MARCHF8: variants seen among roughly 807,000 people sequenced by gnomAD.
MARCHF8 encodes the protein membrane associated ring-CH-type finger 8, also known as E3 ubiquitin-protein ligase MARCHF8.
A neutral mutation model predicts 51.6 loss-of-function variants in MARCHF8; 40 were observed. That is an observed-to-expected ratio of 0.77 (90% confidence interval 0.60 to 1.01). MARCHF8 has a LOEUF of 1.01. Among genes scored for constraint, MARCHF8 ranks in the 50% least tolerant of loss-of-function variants. The pLI, the probability that MARCHF8 is intolerant of heterozygous loss-of-function variation, is 0.00. For synonymous variants in MARCHF8, 263 were observed against 280.3 expected (o/e 0.94, Z 0.62); for missense variants, 685 against 708.6 (o/e 0.97, Z 0.38).
intron 1 of MARCHF8, among the ~76,000 whole-genome samples, chr10:45,564,151 C>T (rs1399847460): frequency 6.6e-6 from 1 of 152,202 alleles, no homozygotes; most frequent in African/African-American, 2.4e-5. Flanking sequence ...TGGCAGGCAC[C>T]TGTAATCCCA....
At chr10:45,537,610 G>A (rs552451096), upstream of MARCHF8, among the ~76,000 whole-genome samples, 50 of 150,042 alleles carry the variant, frequency 3.3e-4, no homozygotes, top group Middle Eastern at 3.4e-3. Flanking sequence ...CCGGTATGGC[G>A]CCACTGCACT....
At chr10:45,591,739 A>T (rs1188777817) in intron 1 of MARCHF8, among the ~76,000 whole-genome samples, 3 of 152,214 alleles carry the variant, frequency 2.0e-5, no homozygotes, top group Non-Finnish European at 4.4e-5. Context: ...ATCACAGTGA[A>T]CCAAACACCA....
chr10:45,587,914 G>A (rs1417765924), intron 1 of MARCHF8, among the ~76,000 whole-genome samples: 1 of 152,080 alleles, frequency 6.6e-6, no homozygotes, highest in African/African-American at 2.4e-5. Context: ...CAGCTAGCTT[G>A]AGCCCAAGGC....
intron 1 of MARCHF8, among the ~76,000 whole-genome samples, chr10:45,564,968 T>G (rs1181596710): frequency 2.2e-5 from 1 of 44,680 alleles, no homozygotes; most frequent in Non-Finnish European, 5.0e-5. Flanking sequence ...AAATAACATA[T>G]AAAAACTAGG....
chr10:45,511,209 GCTGA>G (rs1209596859), intron 2 of MARCHF8, among the ~76,000 whole-genome samples: 1 of 152,192 alleles, frequency 6.6e-6, no homozygotes, highest in East Asian at 1.9e-4. Context: ...TGTATTCATT[GCTGA>G]CTTTTTAAAA....
intron 1 of MARCHF8, among the ~76,000 whole-genome samples, chr10:45,553,842 CA>C (rs1332569889): frequency 6.6e-6 from 1 of 152,092 alleles, no homozygotes; most frequent in Non-Finnish European, 1.5e-5. Flanking sequence ...TGCACACACA[CA>C]CACACACACT....
chr10:45,500,323 GT>G (rs1035820578), intron 2 of MARCHF8, among the ~76,000 whole-genome samples: 5 of 151,880 alleles, frequency 3.3e-5, no homozygotes, highest in African/African-American at 9.7e-5. Flanking sequence ...CTGATTTTTT[GT>G]TTGTTTTGCA....
At chr10:45,480,969 A>C (rs1010685825) in intron 3 of MARCHF8, among the ~76,000 whole-genome samples, 3 of 152,254 alleles carry the variant, frequency 2.0e-5, no homozygotes, top group Admixed American at 2.0e-4. Context: ...AGCTCGTGAA[A>C]GCAGCCAGGA....
chr10:45,574,045 G>A (rs1388333341), intron 1 of MARCHF8, among the ~76,000 whole-genome samples: 1 of 151,760 alleles, frequency 6.6e-6, no homozygotes, highest in Admixed American at 6.6e-5. Flanking sequence ...TTTTCCCCCA[G>A]TTCAAAGCCT....
intron 3 of MARCHF8, among the ~76,000 whole-genome samples, chr10:45,476,455 C>CT: frequency 6.6e-6 from 1 of 152,266 alleles, no homozygotes; most frequent in Middle Eastern, 3.4e-3. Context: ...GTAGGCCCAG[C>CT]TACTCAGGAG....
intron 6 of MARCHF8, among the ~76,000 whole-genome samples, chr10:45,459,585 A>G (rs1316593438): frequency 6.6e-6 from 1 of 152,222 alleles, no homozygotes; most frequent in African/African-American, 2.4e-5. Context: ...TCCTAATGAA[A>G]ACAGTATGTT....
At chr10:45,509,180 G>A (rs1281275975) in intron 2 of MARCHF8, among the ~76,000 whole-genome samples, 1 of 152,168 alleles carries the variant, frequency 6.6e-6, no homozygotes, top group African/African-American at 2.4e-5. Context: ...GGACTCTTAT[G>A]AGGAAGCCGA....
At chr10:45,515,027 C>T (rs937794935) in intron 2 of MARCHF8, among the ~76,000 whole-genome samples, 1 of 152,180 alleles carries the variant, frequency 6.6e-6, no homozygotes, top group African/African-American at 2.4e-5. Context: ...TGCCAGGAAA[C>T]AAACTGCTTC....
chr10:45,475,544 T>C (rs575525792), intron 3 of MARCHF8, among the ~76,000 whole-genome samples: 14 of 152,252 alleles, frequency 9.2e-5, no homozygotes, highest in Admixed American at 9.2e-4. Flanking sequence ...AACCTGCCAT[T>C]ACCGCCACAT....
intron 1 of MARCHF8, among the ~76,000 whole-genome samples, chr10:45,553,466 T>A (rs1195747187): frequency 6.6e-6 from 1 of 152,194 alleles, no homozygotes; most frequent in African/African-American, 2.4e-5. Context: ...AGCAGTAACA[T>A]TACGCTTGAA....
At chr10:45,547,906 A>G (rs1052816764) in intron 1 of MARCHF8, among the ~76,000 whole-genome samples, 12 of 152,224 alleles carry the variant, frequency 7.9e-5, no homozygotes, top group Non-Finnish European at 1.2e-4. Flanking sequence ...AGGCACTAAG[A>G]TACCCCTCAA....
intron 1 of MARCHF8, among the ~76,000 whole-genome samples, chr10:45,565,578 TAAAAA>T (rs576321216): frequency 8.2e-6 from 1 of 122,590 alleles, no homozygotes. Flanking sequence ...TGCAAAAAAA[TAAAAA>T]AAAAAAGTCA....
chr10:45,518,788 G>A (rs903970918), intron 2 of MARCHF8, among the ~76,000 whole-genome samples: 5 of 152,180 alleles, frequency 3.3e-5, no homozygotes, highest in Admixed American at 6.5e-5. Context: ...ACACTGGTAT[G>A]GTTCTAGAGC....
At chr10:45,521,494 T>C (rs2043705115) in intron 2 of MARCHF8, among the ~76,000 whole-genome samples, 1 of 152,204 alleles carries the variant, frequency 6.6e-6, no homozygotes, top group Non-Finnish European at 1.5e-5. Context: ...ATGTGGAAGG[T>C]AAAGATCTGA....
Sources: gnomAD v4.1 joint callset for allele counts (sites outside exome capture counted in the v4.1 genomes callset) on GRCh38, gnomAD v4.1.1 for gene constraint, MANE v1.5 for transcripts, NCBI Gene and HGNC (gene_info 2026-07-23, HGNC 2026-07-21) for gene names.